Variants in EPHA6 observed in about 807,000 individuals in gnomAD.
The protein encoded by EPHA6 is ephrin type-A receptor 6.
A neutral mutation model predicts 112.0 loss-of-function variants in EPHA6; 50 were observed. The ratio of observed to expected loss-of-function variants is 0.45; its 90% confidence interval spans 0.36 to 0.56. The LOEUF is 0.56. EPHA6 is among the 20% of genes least tolerant of loss of function. EPHA6 has a pLI of 0.00. For missense variants in EPHA6, 1,280 were observed against 1,417.4 expected (o/e 0.90, Z 1.56); for synonymous variants, 529 against 490.7 (o/e 1.08, Z -1.03).
chr3:97,050,333 T>C (rs1040395473), intron 3 of EPHA6, among the ~76,000 whole-genome samples: 2 of 152,164 alleles, frequency 1.3e-5, no homozygotes, highest in Non-Finnish European at 2.9e-5. Context: ...GAAGCAGACA[T>C]GCCAGAAGTA....
chr3:97,526,388 T>A (rs557825552), intron 10 of EPHA6, among the ~76,000 whole-genome samples: 2 of 152,188 alleles, frequency 1.3e-5, no homozygotes, highest in Non-Finnish European at 2.9e-5. Context: ...GCAGAATTGC[T>A]TCAAGACCAC....
intron 10 of EPHA6, among the ~76,000 whole-genome samples, chr3:97,520,527 T>TATCA (rs1160312213): frequency 1.3e-5 from 2 of 152,230 alleles, no homozygotes; most frequent in African/African-American, 2.4e-5. Context: ...ACTTTGAATA[T>TATCA]ATCATCCTAT....
intron 6 of EPHA6, among the ~76,000 whole-genome samples, chr3:97,446,299 T>G (rs1026927629): frequency 1.3e-5 from 2 of 148,278 alleles, no homozygotes; most frequent in African/African-American, 5.3e-5. Context: ...AGTGAGTGAT[T>G]CGGGCTGAAG....
At chr3:96,951,183 CAG>C (rs1420680789) in intron 2 of EPHA6, among the ~76,000 whole-genome samples, 1 of 152,030 alleles carries the variant, frequency 6.6e-6, no homozygotes, top group Non-Finnish European at 1.5e-5. Context: ...TTCTGCCAAC[CAG>C]AGACTAGCCC....
At chr3:97,098,458 C>A (rs1287243555) in intron 3 of EPHA6, among the ~76,000 whole-genome samples, 1 of 151,506 alleles carries the variant, frequency 6.6e-6, no homozygotes, top group East Asian at 1.9e-4. Context: ...GAATAGGCAA[C>A]AGAATTTATG....
chr3:97,544,825 T>A (rs564393744), intron 11 of EPHA6, among the ~76,000 whole-genome samples: 16 of 152,302 alleles, frequency 1.1e-4, no homozygotes, highest in African/African-American at 3.8e-4. Flanking sequence ...CTTGGGAGGA[T>A]GTATGTGTCG....
chr3:96,891,975 T>C (rs2037989287), intron 2 of EPHA6, among the ~76,000 whole-genome samples: 2 of 152,218 alleles, frequency 1.3e-5, no homozygotes, highest in African/African-American at 4.8e-5. Context: ...TTACATTGCC[T>C]ATTGGTGCAG....
At chr3:97,085,535 A>G (rs190992487) in intron 3 of EPHA6, among the ~76,000 whole-genome samples, 1 of 152,226 alleles carries the variant, frequency 6.6e-6, no homozygotes, top group Non-Finnish European at 1.5e-5. Flanking sequence ...CATATGTCAT[A>G]TATGCTTTAT....
At chr3:97,093,602 T>C (rs557639082) in intron 3 of EPHA6, among the ~76,000 whole-genome samples, 14 of 152,104 alleles carry the variant, frequency 9.2e-5, no homozygotes, top group African/African-American at 3.1e-4. Context: ...TGATAGGTAA[T>C]GAAGATTAAC....
Position 96,964,638 on chromosome 3 carries a change from C to T in EPHA6, c.451-22692C>T, listed in dbSNP as rs143952941. Among the ~76,000 whole-genome samples the T allele has an allele frequency of 5.6e-3, 847 of 152,086 alleles. 11 individuals carry two copies. Among genetic ancestry groups the T allele is most frequent in the African/African-American group, 0.019 (779 of 41,496 alleles). On this transcript the variant is annotated intron_variant, in intron 2 of 17. Transcript: ENST00000389672. ...ATGCATACGTTTCACTGTTTAGATC[C>T]ACTATATTTTATTTATCCCTAATGA... is the stretch of plus-strand genomic sequence containing the variant.
chr3:97,139,755 G>A (rs1273135739), intron 3 of EPHA6, among the ~76,000 whole-genome samples: 5 of 152,090 alleles, frequency 3.3e-5, no homozygotes, highest in Non-Finnish European at 7.4e-5. Context: ...AACAATATAA[G>A]AACTCTGACA....
At chr3:97,617,914 C>T (rs1467587394) in intron 13 of EPHA6, among the ~76,000 whole-genome samples, 1 of 152,146 alleles carries the variant, frequency 6.6e-6, no homozygotes, top group Non-Finnish European at 1.5e-5. Flanking sequence ...CTGAACTCAG[C>T]TCTGGATTGA....
chr3:97,637,941 G>GTATC lies in EPHA6; in HGVS notation c.2645_2648dup (p.Asp885PhefsTer2). The stretch of plus-strand genomic sequence containing the variant: ...TCCGAGGCATTGCATCAGGCATGAA[G>GTATC]TATCTTTCTGATATGGGTTATGTTC... On this transcript the variant is annotated frameshift_variant, in exon 14 of 18. Coordinates refer to ENST00000389672, the MANE Select transcript of EPHA6 (RefSeq NM_001080448.3). LOFTEE classifies it high-confidence loss of function. The GTATC allele has an allele frequency of 6.2e-7, 1 of 1,613,930 alleles. No individual in the cohort carries two copies. The highest frequency in any genetic ancestry group is 8.5e-7 in the Non-Finnish European group (1 of 1,179,824).
rs147461227 is a variant in EPHA6 at position 97,668,177 on chromosome 3, C to T, written c.2784+30095C>T. On this transcript the variant is annotated intron_variant, in intron 14 of 17. Transcript: ENST00000389672. The stretch of plus-strand genomic sequence containing the variant: ...GTTACCAACTGCCCTCATAATCTTG[C>T]TTCAAAGTATAATGAGAGCAAATCA... 3.1e-3 allele frequency among the ~76,000 whole-genome samples: 468 copies of T among 152,272 alleles called. 2 individuals carry two copies. The highest frequency in any genetic ancestry group is 0.01 in the African/African-American group (426 of 41,554).
chr3:96,920,544 AATC>A lies in EPHA6; in HGVS notation c.450+53657_450+53659del, dbSNP rs1047597742. ...CAATTAAGTTCTATTTACAAAAACA[AATC>A]AACCAGTAAACATATTTCTATTTAG... On this transcript the variant is annotated intron_variant, in intron 2 of 17. Coordinates refer to ENST00000389672, the MANE Select transcript of EPHA6 (RefSeq NM_001080448.3). Among the ~76,000 whole-genome samples, 50 of 152,088 alleles carry A rather than the reference AATC, an allele frequency of 3.3e-4. 1 individual carries two copies. The highest frequency in any genetic ancestry group is 5.9e-4 in the Non-Finnish European group (40 of 67,854).
chr3:97,650,334 A>C (rs1438254380), intron 14 of EPHA6, among the ~76,000 whole-genome samples: 1 of 152,128 alleles, frequency 6.6e-6, no homozygotes, highest in African/African-American at 2.4e-5. Context: ...ACAATGGCAG[A>C]TGTTAAGCAT....
chr3:97,696,008 A>G (rs1443992262), intron 14 of EPHA6, among the ~76,000 whole-genome samples: 3 of 152,246 alleles, frequency 2.0e-5, no homozygotes, highest in African/African-American at 7.2e-5. Flanking sequence ...TAGGCACTGA[A>G]AAGATATTTA....
chr3:97,063,340 G>A (rs571445976), intron 3 of EPHA6, among the ~76,000 whole-genome samples: 19 of 152,216 alleles, frequency 1.2e-4, no homozygotes, highest in Middle Eastern at 3.4e-3. Context: ...AGAAAATGTG[G>A]TACATATACA....
At chr3:97,682,035 A>G (rs972120394) in intron 14 of EPHA6, among the ~76,000 whole-genome samples, 3 of 152,136 alleles carry the variant, frequency 2.0e-5, no homozygotes, top group African/African-American at 7.2e-5. Context: ...CTGAAAGTTT[A>G]TAACTGATTA....
Sources: allele counts gnomAD v4.1 joint callset (sites outside exome capture counted in the v4.1 genomes callset), GRCh38; gene constraint gnomAD v4.1.1; transcripts MANE v1.5; gene names NCBI Gene and HGNC (gene_info 2026-07-23, HGNC 2026-07-21).